The following ZNF407 variants were observed in gnomAD, a reference collection of about 807,000 sequenced individuals.
The protein encoded by ZNF407 is zinc finger protein 407.
A neutral mutation model predicts 131.2 loss-of-function variants in ZNF407; 17 were observed. The ratio of observed to expected loss-of-function variants is 0.13; its 90% CI spans 0.09 to 0.19. The LOEUF is 0.19. Among genes scored for constraint, ZNF407 ranks in the 10% least tolerant of loss-of-function variants. The pLI, the probability that ZNF407 is intolerant of heterozygous loss-of-function variation, is 1.00. For synonymous variants in ZNF407, 1,156 were observed against 1,062.0 expected (o/e 1.09, Z -1.72); for missense variants, 2,681 against 2,830.6 (o/e 0.95, Z 1.20).
At chr18:74,669,435 C>T (rs1176846535) in intron 3 of ZNF407, among the ~76,000 whole-genome samples, 1 of 152,156 alleles carries the variant, frequency 6.6e-6, no homozygotes, top group Non-Finnish European at 1.5e-5. Context: ...AGGTACTCCC[C>T]CACCCCTCCA....
chr18:74,679,149 A>G lies in ZNF407; in HGVS notation c.4802+38027A>G, dbSNP rs182370783. Among the ~76,000 whole-genome samples the G allele has an allele frequency of 3.1e-4, 47 of 152,336 alleles. 1 individual carries two copies. The East Asian group carries it at 6.4e-3, about 21-fold the overall frequency. ...CAATGACCTCATTAACTGATTGACT[A>G]AAAATTGTATTAGAACCAAGGGCAC... On this transcript the variant is annotated intron_variant, in intron 3 of 8. Transcript: ENST00000299687.
chr18:74,828,376 A>C (rs924962131), intron 4 of ZNF407, among the ~76,000 whole-genome samples: 1 of 152,166 alleles, frequency 6.6e-6, no homozygotes, highest in African/African-American at 2.4e-5. Context: ...GTTCTCAGCC[A>C]AGTTAGCAAT....
intron 8 of ZNF407, among the ~76,000 whole-genome samples, chr18:74,988,073 CAT>C (rs1198359442): frequency 1.3e-5 from 2 of 152,150 alleles, no homozygotes; most frequent in East Asian, 3.8e-4. Flanking sequence ...ATAATGAAGA[CAT>C]ATGGATGCAA....
At chr18:75,025,618 A>G (rs554760141) in intron 8 of ZNF407, among the ~76,000 whole-genome samples, 3 of 152,282 alleles carry the variant, frequency 2.0e-5, no homozygotes, top group East Asian at 3.9e-4. Context: ...AAAAGGCATT[A>G]TATGAAAGCA....
intron 8 of ZNF407, among the ~76,000 whole-genome samples, chr18:74,949,948 T>C (rs1972195070): frequency 6.6e-6 from 1 of 152,216 alleles, no homozygotes; most frequent in Non-Finnish European, 1.5e-5. Flanking sequence ...TAGATTCTTT[T>C]TAACCCCCCA....
intron 7 of ZNF407, among the ~76,000 whole-genome samples, chr18:74,896,645 TAA>T (rs1036234571): frequency 5.9e-5 from 9 of 152,198 alleles, no homozygotes; most frequent in Non-Finnish European, 1.3e-4. Flanking sequence ...CTGGCAAGCA[TAA>T]AGATTGCTTT....
intron 8 of ZNF407, among the ~76,000 whole-genome samples, chr18:75,027,429 G>A (rs953415319): frequency 3.3e-5 from 5 of 152,196 alleles, no homozygotes; most frequent in East Asian, 1.9e-4. Flanking sequence ...TATTGGCTGC[G>A]ATCAGGAAGA....
intron 8 of ZNF407, among the ~76,000 whole-genome samples, chr18:74,997,099 T>A (rs1972788163): frequency 6.6e-6 from 1 of 152,204 alleles, no homozygotes; most frequent in Admixed American, 6.5e-5. Flanking sequence ...AGAAGGCATG[T>A]GTAACAGATT....
intron 4 of ZNF407, among the ~76,000 whole-genome samples, chr18:74,788,053 G>T (rs1969753755): frequency 6.6e-6 from 1 of 152,134 alleles, no homozygotes; most frequent in South Asian, 2.1e-4. Flanking sequence ...TCCTCTTTAT[G>T]TTTACTGTTG....
intron 3 of ZNF407, among the ~76,000 whole-genome samples, chr18:74,711,409 G>T (rs941099950): frequency 2.0e-5 from 3 of 152,184 alleles, no homozygotes; most frequent in Non-Finnish European, 4.4e-5. Flanking sequence ...AAATGTGGAA[G>T]AGGCTCCGTA....
chr18:74,661,975 C>A (rs529285897), intron 3 of ZNF407, among the ~76,000 whole-genome samples: 1 of 151,646 alleles, frequency 6.6e-6, no homozygotes, highest in Non-Finnish European at 1.5e-5. Flanking sequence ...GTGGGACATT[C>A]GCGTGCACTC....
chr18:74,818,427 T>G (rs1043200972), intron 4 of ZNF407, among the ~76,000 whole-genome samples: 3 of 152,266 alleles, frequency 2.0e-5, no homozygotes, highest in African/African-American at 4.8e-5. Flanking sequence ...TTGTAGTATT[T>G]GTTTCTTACA....
intron 1 of ZNF407, among the ~76,000 whole-genome samples, chr18:74,605,892 G>C (rs1329533544): frequency 6.6e-6 from 1 of 152,230 alleles, no homozygotes; most frequent in African/African-American, 2.4e-5. Flanking sequence ...CAAGCAAGGA[G>C]ATTCTAGTTC....
At chr18:74,981,420 A>G (rs1342995721) in intron 8 of ZNF407, among the ~76,000 whole-genome samples, 1 of 152,248 alleles carries the variant, frequency 6.6e-6, no homozygotes, top group Admixed American at 6.5e-5. Flanking sequence ...CCCGAGGGCC[A>G]CCAAGGAAAG....
chr18:74,666,166 G>A (rs1030608071), intron 3 of ZNF407, among the ~76,000 whole-genome samples: 2 of 152,170 alleles, frequency 1.3e-5, no homozygotes, highest in Middle Eastern at 3.2e-3. Context: ...GGGTGAGGGC[G>A]CTCTGTGTGC....
At chr18:74,962,734 C>G (rs1972361433) in intron 8 of ZNF407, among the ~76,000 whole-genome samples, 1 of 152,260 alleles carries the variant, frequency 6.6e-6, no homozygotes, top group South Asian at 2.1e-4. Flanking sequence ...AGAGTCAATT[C>G]TGAAACCCTT....
chr18:74,822,899 G>T (rs1010852067), intron 4 of ZNF407, among the ~76,000 whole-genome samples: 1 of 152,206 alleles, frequency 6.6e-6, no homozygotes, highest in South Asian at 2.1e-4. Flanking sequence ...CTATCCATAA[G>T]CATAGAATAT....
intron 4 of ZNF407, among the ~76,000 whole-genome samples, chr18:74,845,534 T>C (rs1410817395): frequency 6.6e-6 from 1 of 152,256 alleles, no homozygotes; most frequent in Non-Finnish European, 1.5e-5. Flanking sequence ...CTTAGTTGTT[T>C]ATTTTGTTGG....
intron 4 of ZNF407, among the ~76,000 whole-genome samples, chr18:74,827,307 T>C (rs1970421974): frequency 6.6e-6 from 1 of 152,244 alleles, no homozygotes; most frequent in South Asian, 2.1e-4. Flanking sequence ...TGTCCATTGA[T>C]GTTTCTAGCC....
Sources: allele counts gnomAD v4.1 joint callset (sites outside exome capture counted in the v4.1 genomes callset), GRCh38; gene constraint gnomAD v4.1.1; transcripts MANE v1.5; gene names NCBI Gene and HGNC (gene_info 2026-07-23, HGNC 2026-07-21).